The following CPB2 variants were observed in gnomAD, a reference collection of about 807,000 sequenced individuals.
CPB2 encodes the protein carboxypeptidase B-like protein.
CPB2 carries 54 observed loss-of-function variants against 57.0 expected under a neutral mutation model. That is an observed-to-expected ratio of 0.95 (90% confidence interval 0.76 to 1.19). CPB2 has a LOEUF of 1.19. CPB2 is among the 50% of genes most tolerant of loss of function. The pLI is 0.00. For missense variants in CPB2, 426 were observed against 512.0 expected, an observed-to-expected ratio of 0.83 and a Z score of 1.62; for synonymous variants, 189 against 178.1, an observed-to-expected ratio of 1.06 and a Z score of -0.49.
At chr13:46,085,144 G>A (rs1427206957) in intron 2 of CPB2, among the ~76,000 whole-genome samples, 1 of 152,038 alleles carries the variant, frequency 6.6e-6, no homozygotes, top group Non-Finnish European at 1.5e-5. Context: ...GCCACTACAC[G>A]TACTTTTTCA....
intron 1 of CPB2, among the ~76,000 whole-genome samples, chr13:46,093,913 C>T (rs1006366687): frequency 1.3e-5 from 2 of 152,162 alleles, no homozygotes; most frequent in Non-Finnish European, 2.9e-5. Flanking sequence ...CAAACATGTT[C>T]ATATTTTCAC....
chr13:46,079,419 G>C (rs2045072392), intron 4 of CPB2, among the ~76,000 whole-genome samples: 1 of 150,578 alleles, frequency 6.6e-6, no homozygotes, highest in Non-Finnish European at 1.5e-5. Flanking sequence ...CCATCTGGAG[G>C]AAAAACAAAC....
intron 8 of CPB2, among the ~76,000 whole-genome samples, chr13:46,061,898 G>A (rs925411780): frequency 1.3e-5 from 2 of 152,068 alleles, no homozygotes; most frequent in Non-Finnish European, 2.9e-5. Flanking sequence ...AATCATAGGG[G>A]CACATTCTAG....
intron 6 of CPB2, among the ~76,000 whole-genome samples, chr13:46,070,893 T>A (rs562305723): frequency 6.6e-6 from 1 of 152,288 alleles, no homozygotes; most frequent in South Asian, 2.1e-4. Context: ...TAATTTAAAT[T>A]TCAAATTCCA....
chr13:46,068,048 T>C (rs774621669), intron 6 of CPB2, among the ~76,000 whole-genome samples: 2 of 152,186 alleles, frequency 1.3e-5, no homozygotes, highest in Non-Finnish European at 1.5e-5. Context: ...CCAAATTTGG[T>C]GACTGAGAAG....
At chr13:46,101,579 C>A (rs17600984) in intron 1 of CPB2, among the ~76,000 whole-genome samples, 32,011 of 152,024 alleles carry the variant, frequency 0.21, 3,793 homozygotes, top group Non-Finnish European at 0.27. Context: ...GAGACAAAAA[C>A]TAAAGCTGTG....
chr13:46,097,804 C>T (rs893719947), intron 1 of CPB2, among the ~76,000 whole-genome samples: 2 of 152,110 alleles, frequency 1.3e-5, no homozygotes, highest in East Asian at 1.9e-4. Context: ...TTCCATATAC[C>T]GTCACTCCAA....
At chr13:46,096,329 T>C in intron 1 of CPB2, 1 of 152,710 alleles carries the variant, frequency 6.5e-6, no homozygotes. Context: ...TCCAGCCCTC[T>C]CCCCATTTCT....
chr13:46,093,710 C>T (rs1202580940), intron 1 of CPB2, among the ~76,000 whole-genome samples: 2 of 152,034 alleles, frequency 1.3e-5, no homozygotes, highest in South Asian at 2.1e-4. Context: ...AAATAAACAA[C>T]ACATTGTTAG....
chr13:46,089,274 T>C (rs1331825247), intron 1 of CPB2, among the ~76,000 whole-genome samples: 1 of 152,186 alleles, frequency 6.6e-6, no homozygotes, highest in African/African-American at 2.4e-5. Flanking sequence ...AGAGAAAATG[T>C]TGGTTCATCA....
At chr13:46,059,203 T>G (rs1006846611) in intron 8 of CPB2, among the ~76,000 whole-genome samples, 2 of 152,196 alleles carry the variant, frequency 1.3e-5, no homozygotes, top group African/African-American at 4.8e-5. Context: ...GTGGAGCACA[T>G]GCTGTACGTC....
chr13:46,073,078 CAG>C (rs1337953595), intron 6 of CPB2, among the ~76,000 whole-genome samples: 1 of 152,158 alleles, frequency 6.6e-6, no homozygotes, highest in African/African-American at 2.4e-5. Flanking sequence ...CAAGCAAAGA[CAG>C]AAACAGTTTT....
intron 8 of CPB2, among the ~76,000 whole-genome samples, chr13:46,061,995 G>C (rs1458886584): frequency 6.7e-6 from 1 of 149,870 alleles, no homozygotes; most frequent in African/African-American, 2.5e-5. Context: ...TTGGTAATAA[G>C]GACAGTTCCT....
intron 7 of CPB2, 87 bp from the exon 8 acceptor site, chr13:46,064,828 G>T: frequency 9.8e-7 from 1 of 1,016,516 alleles, no homozygotes; most frequent in Non-Finnish European, 1.5e-6. Flanking sequence ...CATGAAGCCA[G>T]AATTGCCTTT....
chr13:46,100,869 T>C (rs1456281917), intron 1 of CPB2: 1 of 152,220 alleles, frequency 6.6e-6, no homozygotes, highest in African/African-American at 2.4e-5. Context: ...GCATCTGTCC[T>C]GGTCCAGAGG....
At chr13:46,058,526 C>T in intron 8 of CPB2, 145 bp from the exon 9 acceptor site, 3 of 666,876 alleles carry the variant, frequency 4.5e-6, no homozygotes, top group Non-Finnish European at 5.2e-6. Flanking sequence ...AACATAGTTC[C>T]ACTAAGTGTT....
intron 4 of CPB2, among the ~76,000 whole-genome samples, chr13:46,081,540 T>C (rs151101369): frequency 1.3e-5 from 2 of 152,280 alleles, no homozygotes; most frequent in East Asian, 1.9e-4. Context: ...TCTAGAAGCA[T>C]ACTGACTCTG....
intron 5 of CPB2, among the ~76,000 whole-genome samples, chr13:46,076,177 G>C (rs548108450): frequency 1.0e-3 from 157 of 152,152 alleles, no homozygotes; most frequent in African/African-American, 3.5e-3. Context: ...GAAATAAAAG[G>C]CATCTAAATT....
Position 46,084,356 on chromosome 13 carries a change from G to T in CPB2, c.151-13C>A, listed in dbSNP as rs1204586574. The T allele has an allele frequency of 6.2e-7, 1 of 1,613,050 alleles. No homozygotes were observed. Among genetic ancestry groups the T allele is most frequent in the Admixed American group, 1.7e-5 (1 of 59,810 alleles). ...GCCAGAGAACAATCTACAGTTTAAGGGGCAAAATTGATAAAATTAAAAAAG... is the reference window on the plus strand; with the variant it reads ...GCCAGAGAACAATCTACAGTTTAAGTGGCAAAATTGATAAAATTAAAAAAG... On this transcript the variant is annotated splice_polypyrimidine_tract_variant and intron_variant, in intron 2 of 10. Coordinates refer to ENST00000181383, the MANE Select transcript of CPB2 (RefSeq NM_001872.5).
Sources: gnomAD v4.1 joint callset for allele counts (sites outside exome capture counted in the v4.1 genomes callset) on GRCh38, gnomAD v4.1.1 for gene constraint, MANE v1.5 for transcripts, NCBI Gene and HGNC (gene_info 2026-07-23, HGNC 2026-07-21) for gene names.